SNTB2: variants seen among roughly 807,000 people sequenced by gnomAD.
SNTB2 encodes the protein syntrophin beta 2.
A neutral mutation model predicts 46.2 loss-of-function variants in SNTB2; 34 were observed. The observed-to-expected ratio is 0.74, with a 90% CI of 0.56 to 0.98. The LOEUF is 0.98. Ranked by LOEUF, SNTB2 falls within the 50% of genes least tolerant of loss-of-function variation. The pLI is 0.00. For missense variants in SNTB2, 603 were observed against 731.4 expected (o/e 0.82, Z 2.02); for synonymous variants, 290 against 312.6 (o/e 0.93, Z 0.76).
intron 1 of SNTB2, among the ~76,000 whole-genome samples, chr16:69,208,896 C>G (rs1964251226): frequency 6.6e-6 from 1 of 151,786 alleles, no homozygotes; most frequent in Admixed American, 6.6e-5. Flanking sequence ...CCTTCTGTAC[C>G]TAGCATAGTA....
chr16:69,279,005 C>A (rs1371541575), intron 4 of SNTB2, among the ~76,000 whole-genome samples: 3 of 151,202 alleles, frequency 2.0e-5, no homozygotes, highest in Non-Finnish European at 2.9e-5. Flanking sequence ...GATGACAGAG[C>A]CTTAGCAGAT....
chr16:69,193,317 A>ATTT (rs1964072184), intron 1 of SNTB2, among the ~76,000 whole-genome samples: 23 of 99,642 alleles, frequency 2.3e-4, no homozygotes, highest in Non-Finnish European at 3.6e-4. Flanking sequence ...GATGGTATAG[A>ATTT]CTTTTTTTTT....
At chr16:69,236,856 G>A (rs1012829937) in intron 1 of SNTB2, among the ~76,000 whole-genome samples, 2 of 152,074 alleles carry the variant, frequency 1.3e-5, no homozygotes, top group Non-Finnish European at 2.9e-5. Context: ...GTTTAGAGAA[G>A]CATTTTCCAA....
intron 1 of SNTB2, among the ~76,000 whole-genome samples, chr16:69,234,417 G>A (rs1446394190): frequency 6.6e-6 from 1 of 152,188 alleles, no homozygotes; most frequent in East Asian, 1.9e-4. Context: ...ATACTATATA[G>A]CTATTTTTAA....
At chr16:69,196,408 C>T (rs949349463) in intron 1 of SNTB2, among the ~76,000 whole-genome samples, 2 of 149,140 alleles carry the variant, frequency 1.3e-5, no homozygotes, top group East Asian at 2.0e-4. Flanking sequence ...GGGGTTTGGC[C>T]CTGTCACCCA....
intron 4 of SNTB2, among the ~76,000 whole-genome samples, chr16:69,275,061 C>CTCCT (rs1418593566): frequency 6.7e-6 from 1 of 150,166 alleles, no homozygotes; most frequent in East Asian, 2.0e-4. Flanking sequence ...TCCTCTCTCT[C>CTCCT]TCCTTCCTTC....
At chr16:69,263,961 CA>C (rs1041443484) in intron 3 of SNTB2, among the ~76,000 whole-genome samples, 15 of 147,448 alleles carry the variant, frequency 1.0e-4, no homozygotes, top group East Asian at 5.9e-4. Context: ...CTCCGCCTCC[CA>C]AAAAAAAAAT....
intron 4 of SNTB2, among the ~76,000 whole-genome samples, chr16:69,279,774 C>T (rs1449237886): frequency 6.6e-6 from 1 of 151,586 alleles, no homozygotes; most frequent in African/African-American, 2.4e-5. Flanking sequence ...ATGATCCGCC[C>T]ACCTCAGCCT....
chr16:69,230,736 C>T (rs1964498601), intron 1 of SNTB2, among the ~76,000 whole-genome samples: 1 of 150,986 alleles, frequency 6.6e-6, no homozygotes, highest in East Asian at 1.9e-4. Context: ...TCCTAACCAA[C>T]CCGTTTCTTT....
chr16:69,299,672 C>T lies in SNTB2; in HGVS notation c.1428C>T (p.Ser476=), dbSNP rs768482279. The T allele has an allele frequency of 3.1e-6, 5 of 1,614,150 alleles. No homozygotes were observed. The highest frequency in any genetic ancestry group is 1.6e-4 in the Middle Eastern group (1 of 6,062). ...GFTISRENGG[S]SSILYRYPFE... ...CCATCTCAAGGGAAAATGGAGGCTC[C>T]AGCAGCATATTGTACCGCTACCCCT... Residue 476 remains serine (S), a synonymous_variant, in exon 6 of 7, where the codon TCC becomes TCT. Transcript: ENST00000336278.
chr16:69,251,274 G>A (rs919598610), intron 2 of SNTB2, among the ~76,000 whole-genome samples: 10 of 151,304 alleles, frequency 6.6e-5, no homozygotes, highest in African/African-American at 1.2e-4. Context: ...CACTGCACCC[G>A]GCCTTGTTTA....
chr16:69,242,961 C>T (rs1421610114), intron 1 of SNTB2, among the ~76,000 whole-genome samples: 1 of 146,202 alleles, frequency 6.8e-6, no homozygotes, highest in Non-Finnish European at 1.5e-5. Flanking sequence ...GCAGAGTTTG[C>T]AGTGAGCTGA....
At chr16:69,297,264 G>A (rs1468211848) in intron 5 of SNTB2, among the ~76,000 whole-genome samples, 4 of 134,632 alleles carry the variant, frequency 3.0e-5, no homozygotes, top group African/African-American at 1.1e-4. Context: ...CTGAGATTGC[G>A]CCAGTGCACT....
At chr16:69,216,149 G>C (rs1329432677) in intron 1 of SNTB2, among the ~76,000 whole-genome samples, 1 of 152,100 alleles carries the variant, frequency 6.6e-6, no homozygotes, top group Admixed American at 6.6e-5. Flanking sequence ...TTCTTGGAAG[G>C]AGGTTCTAAT....
chr16:69,278,908 G>A (rs1223377762), intron 4 of SNTB2, among the ~76,000 whole-genome samples: 3 of 151,472 alleles, frequency 2.0e-5, no homozygotes, highest in African/African-American at 4.9e-5. Context: ...GTGTGTGTGT[G>A]TGTGTGTGTG....
chr16:69,229,418 C>T (rs999982027), intron 1 of SNTB2, among the ~76,000 whole-genome samples: 3 of 151,172 alleles, frequency 2.0e-5, no homozygotes, highest in Non-Finnish European at 2.9e-5. Flanking sequence ...GATCCACCCT[C>T]CTTGGCCTCC....
chr16:69,284,215 C>T lies in SNTB2; in HGVS notation c.1316C>T (p.Ala439Val), dbSNP rs749695529. The T allele has an allele frequency of 6.2e-7, 1 of 1,612,944 alleles. No individual in the cohort carries two copies. The highest frequency in any genetic ancestry group is 8.5e-7 in the Non-Finnish European group (1 of 1,179,514). ...TRILVQGCHA[A>V]AELIKEVSLG... Reference sequence around the variant, plus strand: ...ATACTTGTTCAGGGTTGCCATGCTGCTGCTGAGCTGATCAAGGAAGTCTCT... The same window carrying T: ...ATACTTGTTCAGGGTTGCCATGCTGTTGCTGAGCTGATCAAGGAAGTCTCT... Residue 439 changes from alanine (A) to valine (V), a missense_variant, in exon 5 of 7, where the codon GCT becomes GTT. By Grantham distance (64) the Ala-to-Val change is moderately conservative. Transcript: ENST00000336278.
intron 5 of SNTB2, among the ~76,000 whole-genome samples, chr16:69,297,019 C>A (rs1965232562): frequency 6.7e-6 from 1 of 149,928 alleles, no homozygotes; most frequent in African/African-American, 2.5e-5. Context: ...AAAAAAAAAT[C>A]TCAGGCCAGG....
intron 1 of SNTB2, among the ~76,000 whole-genome samples, chr16:69,209,617 C>CT (rs1964258540): frequency 6.6e-6 from 1 of 152,186 alleles, no homozygotes. Flanking sequence ...GGTGGAAATA[C>CT]TTTAAACAGT....
Sources: gnomAD v4.1 joint callset for allele counts (sites outside exome capture counted in the v4.1 genomes callset) on GRCh38, gnomAD v4.1.1 for gene constraint, MANE v1.5 for transcripts, NCBI Gene and HGNC (gene_info 2026-07-23, HGNC 2026-07-21) for gene names.